Variants in RPS6KC1 observed in about 807,000 individuals in gnomAD.
The protein encoded by RPS6KC1 is inactive ribosomal protein S6 kinase delta-1.
RPS6KC1 carries 54 observed loss-of-function variants against 103.8 expected under a neutral mutation model. The observed-to-expected ratio is 0.52, with a 90% CI of 0.42 to 0.65. RPS6KC1 has a LOEUF of 0.65. Ranked by LOEUF, RPS6KC1 falls within the 30% of genes least tolerant of loss-of-function variation. RPS6KC1 has a pLI of 0.00. For missense variants in RPS6KC1, 1,151 were observed against 1,253.8 expected (o/e 0.92, Z 1.24); for synonymous variants, 439 against 438.7 (o/e 1.00, Z -0.01).
chr1:213,456,997 A>G, the RPS6KC1 span, among the ~76,000 whole-genome samples: 1 of 152,210 alleles, frequency 6.6e-6, no homozygotes, highest in Non-Finnish European at 1.5e-5. Context: ...TAAATATCCT[A>G]AGAATAATCT....
Position 213,232,250 on chromosome 1 carries a change from C to G in RPS6KC1, c.1220C>G (p.Ala407Gly). The change falls in exon 10 of 15, where the codon GCG becomes GGG. Residue 407 changes from alanine to glycine, a missense_variant. Physicochemically the swap from Ala to Gly is moderately conservative, Grantham distance 60. This residue lies in a region of RPS6KC1 where 959 missense variants were observed against 1,006.3 expected (regional missense o/e 0.95). Coordinates refer to ENST00000366960, the MANE Select transcript of RPS6KC1 (RefSeq NM_012424.6). ...EESVFLVLQH[A>G]EGGKLWSYIS... The stretch of plus-strand genomic sequence containing the variant: ...TCAGTATTTCTTGTGCTGCAGCATG[C>G]GGAAGGTTGGTTTGTAGTTTGGATT... The G allele has an allele frequency of 6.2e-7, 1 of 1,613,788 alleles. No homozygotes were observed. The highest frequency in any genetic ancestry group is 8.5e-7 in the Non-Finnish European group (1 of 1,179,786).
chr1:213,592,014 G>A, the RPS6KC1 span, among the ~76,000 whole-genome samples: 1 of 152,190 alleles, frequency 6.6e-6, no homozygotes, highest in East Asian at 1.9e-4. Context: ...TAAGAGCTAA[G>A]GTTTGTCTGC....
chr1:213,412,321 G>A, the RPS6KC1 span, among the ~76,000 whole-genome samples: 8 of 152,194 alleles, frequency 5.3e-5, no homozygotes, highest in Non-Finnish European at 7.3e-5. Context: ...TTAGGGCAAG[G>A]AAGTAGAAAA....
chr1:213,170,003 A>G (rs2091346933), intron 7 of RPS6KC1, among the ~76,000 whole-genome samples: 1 of 152,068 alleles, frequency 6.6e-6, no homozygotes, highest in African/African-American at 2.4e-5. Context: ...GCTGGTCTTG[A>G]ACTCCTGACC....
intron 3 of RPS6KC1, among the ~76,000 whole-genome samples, chr1:213,102,407 C>G (rs1205830801): frequency 6.6e-6 from 1 of 152,116 alleles, no homozygotes; most frequent in East Asian, 1.9e-4. Context: ...TTTAACCTTC[C>G]ACTTCTTGGT....
At chr1:213,336,082 G>C in the RPS6KC1 span, among the ~76,000 whole-genome samples, 1 of 152,134 alleles carries the variant, frequency 6.6e-6, no homozygotes, top group Non-Finnish European at 1.5e-5. Context: ...CAAGTTAAAG[G>C]GTCTAAAATG....
chr1:213,372,848 T>TAGAAGGATAGATATACAA, the RPS6KC1 span, among the ~76,000 whole-genome samples: 7 of 152,178 alleles, frequency 4.6e-5, 1 homozygote, highest in South Asian at 1.2e-3. Flanking sequence ...AATTTAAATA[T>TAGAAGGATAGATATACAA]AGAAGGATAG....
At chr1:213,767,731 G>A in the RPS6KC1 span, among the ~76,000 whole-genome samples, 2 of 152,210 alleles carry the variant, frequency 1.3e-5, no homozygotes, top group East Asian at 1.9e-4. Flanking sequence ...AATTTCAGCA[G>A]CCCTCTTCAT....
At chr1:213,846,284 A>G in the RPS6KC1 span, among the ~76,000 whole-genome samples, 1 of 151,964 alleles carries the variant, frequency 6.6e-6, no homozygotes. Context: ...TGGGTGACAG[A>G]GCGAGACTCC....
At chr1:213,341,498 T>C in the RPS6KC1 span, among the ~76,000 whole-genome samples, 1 of 152,128 alleles carries the variant, frequency 6.6e-6, no homozygotes, top group African/African-American at 2.4e-5. Flanking sequence ...AGAGGCCACA[T>C]AGAGTGGTGG....
intron 7 of RPS6KC1, among the ~76,000 whole-genome samples, chr1:213,176,069 T>C (rs1200588986): frequency 6.6e-6 from 1 of 152,200 alleles, no homozygotes; most frequent in South Asian, 2.1e-4. Context: ...GGCCCAGTTA[T>C]CCATTTGTTA....
the RPS6KC1 span, among the ~76,000 whole-genome samples, chr1:213,403,900 C>T: frequency 1.3e-4 from 20 of 152,336 alleles, no homozygotes; most frequent in Non-Finnish European, 2.5e-4. Context: ...GAGCTCCCTT[C>T]TGCTCTTTCC....
the RPS6KC1 span, among the ~76,000 whole-genome samples, chr1:213,642,747 C>G: frequency 8.6e-5 from 13 of 151,836 alleles, no homozygotes; most frequent in Non-Finnish European, 1.8e-4. Flanking sequence ...GCTTTTGTAA[C>G]TTTATTAGAA....
At chr1:213,162,489 T>C (rs2090576230) in intron 6 of RPS6KC1, among the ~76,000 whole-genome samples, 1 of 152,108 alleles carries the variant, frequency 6.6e-6, no homozygotes, top group Non-Finnish European at 1.5e-5. Context: ...CACTATGTTG[T>C]CCCAGCTGGT....
chr1:213,256,875 T>C (rs1390617301), intron 12 of RPS6KC1, among the ~76,000 whole-genome samples: 2 of 152,178 alleles, frequency 1.3e-5, no homozygotes, highest in Admixed American at 6.5e-5. Context: ...GTCTGTCTTA[T>C]GAAGTGCCTC....
the RPS6KC1 span, among the ~76,000 whole-genome samples, chr1:213,675,077 A>G: frequency 6.6e-6 from 1 of 152,054 alleles, no homozygotes; most frequent in Non-Finnish European, 1.5e-5. Flanking sequence ...ATTTTCTCTC[A>G]TTCTGCAGGT....
the RPS6KC1 span, among the ~76,000 whole-genome samples, chr1:213,653,260 C>T: frequency 1.3e-5 from 2 of 152,148 alleles, no homozygotes; most frequent in African/African-American, 4.8e-5. Flanking sequence ...GAGTTTGAGA[C>T]CAGCCTGGGC....
At chr1:213,487,051 A>G in the RPS6KC1 span, among the ~76,000 whole-genome samples, 1 of 152,178 alleles carries the variant, frequency 6.6e-6, no homozygotes, top group East Asian at 1.9e-4. Context: ...GGGCCCATCT[A>G]CTTTGATCCA....
At chr1:213,151,342 G>T (rs543805754) in intron 6 of RPS6KC1, among the ~76,000 whole-genome samples, 1 of 131,936 alleles carries the variant, frequency 7.6e-6, no homozygotes. Flanking sequence ...GGCCGGGCGG[G>T]GGGCTAACCC....
Sources: allele counts gnomAD v4.1 joint callset (sites outside exome capture counted in the v4.1 genomes callset), GRCh38; gene constraint gnomAD v4.1.1; regional missense constraint gnomAD v4.1.1; transcripts MANE v1.5; gene names NCBI Gene and HGNC (gene_info 2026-07-23, HGNC 2026-07-21).